Variants in PHLDB2 observed in about 807,000 individuals in gnomAD.
The protein encoded by PHLDB2 is pleckstrin homology-like domain family B member 2.
In PHLDB2, 71 loss-of-function variants were observed where a neutral mutation model predicts 123.6. That is an observed-to-expected ratio of 0.57 (90% confidence interval 0.47 to 0.70). The LOEUF is 0.70. Among genes scored for constraint, PHLDB2 ranks in the 30% least tolerant of loss-of-function variants. PHLDB2 has a pLI of 0.00. For synonymous variants in PHLDB2, 547 were observed against 541.6 expected, an observed-to-expected ratio of 1.01 and a Z score of -0.14; for missense variants, 1,446 against 1,519.5, an observed-to-expected ratio of 0.95 and a Z score of 0.80.
intron 1 of PHLDB2, chr3:111,780,006 C>A: frequency 5.8e-6 from 2 of 345,036 alleles, no homozygotes; most frequent in Non-Finnish European, 8.2e-6. Flanking sequence ...AAAATGTGAG[C>A]CAAACATTCA....
intron 5 of PHLDB2, among the ~76,000 whole-genome samples, chr3:111,921,600 C>G (rs1269221560): frequency 8.3e-6 from 1 of 120,656 alleles, no homozygotes; most frequent in African/African-American, 3.1e-5. Flanking sequence ...ATTCTGCCCC[C>G]AGACTTTTTT....
At chr3:111,878,357 T>C (rs1291583720) in intron 1 of PHLDB2, among the ~76,000 whole-genome samples, 1 of 152,224 alleles carries the variant, frequency 6.6e-6, no homozygotes, top group Non-Finnish European at 1.5e-5. Context: ...TTTGTTTGTC[T>C]GTTATTGGTG....
intron 2 of PHLDB2, among the ~76,000 whole-genome samples, chr3:111,912,588 AT>A (rs2067952589): frequency 6.6e-6 from 1 of 152,116 alleles, no homozygotes; most frequent in Non-Finnish European, 1.5e-5. Flanking sequence ...AATTTTCAAA[AT>A]TTTCAAGAAA....
chr3:111,824,893 A>T (rs1342118996), intron 1 of PHLDB2, among the ~76,000 whole-genome samples: 1 of 152,104 alleles, frequency 6.6e-6, no homozygotes, highest in African/African-American at 2.4e-5. Flanking sequence ...TGAATAATTC[A>T]CTCTGCCTGA....
chr3:111,925,921 A>G (rs1398825021), intron 5 of PHLDB2, among the ~76,000 whole-genome samples: 2 of 152,258 alleles, frequency 1.3e-5, no homozygotes, highest in Admixed American at 6.5e-5. Context: ...GCGCACAAAA[A>G]TCAAGTCAGT....
At chr3:111,867,626 C>T (rs2065147576) in intron 1 of PHLDB2, among the ~76,000 whole-genome samples, 1 of 152,072 alleles carries the variant, frequency 6.6e-6, no homozygotes. Flanking sequence ...CATCATCACA[C>T]TTTTAAAAAA....
At chr3:111,848,686 G>C (rs574306891) in intron 2 of PHLDB2, among the ~76,000 whole-genome samples, 63 of 152,284 alleles carry the variant, frequency 4.1e-4, no homozygotes, top group South Asian at 1.5e-3. Flanking sequence ...ATCAATGAGG[G>C]ACCACATGTA....
chr3:111,804,783 G>A (rs901068151), intron 1 of PHLDB2, among the ~76,000 whole-genome samples: 6 of 152,188 alleles, frequency 3.9e-5, no homozygotes, highest in Non-Finnish European at 7.3e-5. Context: ...ATGCTGAACA[G>A]TAAGAATTAA....
intron 5 of PHLDB2, among the ~76,000 whole-genome samples, chr3:111,920,683 G>A (rs1445707481): frequency 6.6e-6 from 1 of 152,158 alleles, no homozygotes; most frequent in Non-Finnish European, 1.5e-5. Context: ...TGAGATGAGT[G>A]CGTTGTTTGT....
rs574554081 is a variant in PHLDB2 at position 111,960,383 on chromosome 3, A to T, written c.2873-1725A>T. On this transcript the variant is annotated intron_variant, in intron 12 of 17. Transcript: ENST00000431670. ...GGCTTTAAAAAATACATATGTATTT[A>T]TAATTTATAATGGCAGATTATATTA... 8.5e-5 allele frequency among the ~76,000 whole-genome samples: 13 copies of T among 152,342 alleles called. No homozygotes were observed. In the South Asian group the frequency reaches 2.7e-3, roughly 32 times the overall value.
intron 1 of PHLDB2, among the ~76,000 whole-genome samples, chr3:111,793,356 G>T (rs1263023793): frequency 6.6e-6 from 1 of 151,976 alleles, no homozygotes; most frequent in Non-Finnish European, 1.5e-5. Flanking sequence ...TACTACTGAT[G>T]TTCACTTAAG....
chr3:111,938,734 C>A (rs78292166), intron 6 of PHLDB2, among the ~76,000 whole-genome samples: 8 of 152,090 alleles, frequency 5.3e-5, no homozygotes, highest in Admixed American at 5.2e-4. Context: ...TTAATCTCCA[C>A]ATTAGTCTTG....
intron 1 of PHLDB2, among the ~76,000 whole-genome samples, chr3:111,746,927 C>T (rs1297746343): frequency 6.6e-6 from 1 of 152,116 alleles, no homozygotes; most frequent in East Asian, 1.9e-4. Context: ...CTCATCACCA[C>T]CATATGATGC....
chr3:111,803,713 G>T (rs1188727986), intron 1 of PHLDB2, among the ~76,000 whole-genome samples: 2 of 152,166 alleles, frequency 1.3e-5, no homozygotes, highest in Non-Finnish European at 2.9e-5. Flanking sequence ...GAATTTGAAA[G>T]TGTTAACCTC....
chr3:111,937,649 A>T (rs1455026321), intron 6 of PHLDB2, among the ~76,000 whole-genome samples: 1 of 151,896 alleles, frequency 6.6e-6, no homozygotes, highest in Admixed American at 6.6e-5. Flanking sequence ...GGTGGTGTGC[A>T]CCTGTAGTCC....
In PHLDB2 at chr3:111,945,339, C is replaced by T; in HGVS notation, c.2469C>T (p.Asn823=). ...SLSGGKGFPV[N]PNTLKEGYIS... is the part of the protein sequence containing the mutation. ...CTGGGGGGAAAGGGTTTCCCGTTAA[C>T]CCCAATACTTTAAAAGAGGTAAGCT... Residue 823 remains asparagine, a synonymous_variant, in exon 9 of 18, where the codon AAC becomes AAT. Coordinates refer to ENST00000431670, the MANE Select transcript of PHLDB2 (RefSeq NM_001134438.2). The T allele has an allele frequency of 6.2e-7, 1 of 1,604,134 alleles. No individual in the cohort carries two copies. Among genetic ancestry groups the T allele is most frequent in the Non-Finnish European group, 8.5e-7 (1 of 1,171,844 alleles).
At chr3:111,750,861 A>C (rs939434815) in intron 1 of PHLDB2, among the ~76,000 whole-genome samples, 37 of 151,034 alleles carry the variant, frequency 2.4e-4, no homozygotes, top group African/African-American at 9.0e-4. Flanking sequence ...CATGAGAATC[A>C]CTTGAACCTG....
Position 111,884,721 on chromosome 3 carries a change from A to G in PHLDB2, c.644A>G (p.Asp215Gly), listed in dbSNP as rs1324615801. ...PKQARKMSIQ[D>G]SLALQPKLTR... ...CAAGCCAGGAAAATGAGCATTCAGGACAGCCTGGCGCTTCAACCCAAGTTA... is the reference window on the plus strand; with the variant it reads ...CAAGCCAGGAAAATGAGCATTCAGGGCAGCCTGGCGCTTCAACCCAAGTTA... The change falls in exon 2 of 18, where the codon GAC (aspartate) becomes GGC (glycine). Residue 215 changes from aspartate (D) to glycine (G), a missense_variant. Coordinates refer to ENST00000431670, the MANE Select transcript of PHLDB2 (RefSeq NM_001134438.2). 6.2e-7 allele frequency: 1 copy of G among 1,614,136 alleles called. No individual in the cohort carries two copies. The highest frequency in any genetic ancestry group is 1.7e-5 in the Admixed American group (1 of 60,024).
chr3:111,949,501 T>C (rs2070569284), intron 10 of PHLDB2, among the ~76,000 whole-genome samples: 1 of 152,184 alleles, frequency 6.6e-6, no homozygotes, highest in Admixed American at 6.5e-5. Context: ...GGGTCAATAA[T>C]AATAAATTAA....
Sources: allele counts gnomAD v4.1 joint callset (sites outside exome capture counted in the v4.1 genomes callset), GRCh38; gene constraint gnomAD v4.1.1; transcripts MANE v1.5; gene names NCBI Gene and HGNC (gene_info 2026-07-23, HGNC 2026-07-21).